FMNL2: variants seen among roughly 807,000 people sequenced by gnomAD.
FMNL2 encodes the protein formin-like protein 2.
A neutral mutation model predicts 130.2 loss-of-function variants in FMNL2; 51 were observed. The ratio of observed to expected loss-of-function variants is 0.39; its 90% CI spans 0.31 to 0.49. The LOEUF (loss-of-function observed/expected upper bound fraction) is 0.49. FMNL2 is among the 20% of genes least tolerant of loss of function. The probability of loss-of-function intolerance (pLI) is 0.85; values close to 1 mark genes in which losing one functional copy is unlikely to be tolerated. For synonymous variants in FMNL2, 465 were observed against 467.1 expected, an observed-to-expected ratio of 1.00 and a Z score of 0.06; for missense variants, 977 against 1,316.2, an observed-to-expected ratio of 0.74 and a Z score of 3.99.
intron 6 of FMNL2, among the ~76,000 whole-genome samples, chr2:152,566,648 G>A (rs1183632558): frequency 6.6e-6 from 1 of 152,104 alleles, no homozygotes; most frequent in Non-Finnish European, 1.5e-5. Context: ...GATACAGAAA[G>A]ATATATTAAA....
chr2:152,520,915 C>A (rs1013100480), intron 1 of FMNL2, among the ~76,000 whole-genome samples: 2 of 152,136 alleles, frequency 1.3e-5, no homozygotes, highest in Admixed American at 6.5e-5. Flanking sequence ...AAGTTCAAGA[C>A]CTTTGCATTT....
At chr2:152,456,348 G>A (rs1026956848) in intron 1 of FMNL2, among the ~76,000 whole-genome samples, 2 of 152,164 alleles carry the variant, frequency 1.3e-5, no homozygotes, top group South Asian at 4.1e-4. Flanking sequence ...TGAGTCAGAA[G>A]CAAGAAGAGT....
intron 2 of FMNL2, among the ~76,000 whole-genome samples, chr2:152,536,926 A>G (rs1694023184): frequency 6.6e-6 from 1 of 152,194 alleles, no homozygotes; most frequent in Admixed American, 6.6e-5. Context: ...ATTAACCCCA[A>G]TTAATTTCTC....
At chr2:152,426,193 G>A (rs993787718) in intron 1 of FMNL2, among the ~76,000 whole-genome samples, 4 of 152,216 alleles carry the variant, frequency 2.6e-5, no homozygotes, top group Non-Finnish European at 4.4e-5. Flanking sequence ...AATGGACCTT[G>A]AGCTGTGTGT....
intron 1 of FMNL2, among the ~76,000 whole-genome samples, chr2:152,450,649 C>T (rs979134372): frequency 1.3e-5 from 2 of 152,204 alleles, no homozygotes; most frequent in Admixed American, 6.5e-5. Flanking sequence ...GGGCCAGGAG[C>T]AGAGCCATCC....
chr2:152,483,859 A>G (rs536899964), intron 1 of FMNL2, among the ~76,000 whole-genome samples: 2 of 152,214 alleles, frequency 1.3e-5, no homozygotes, highest in African/African-American at 4.8e-5. Context: ...AGAAATGCAC[A>G]CACAGTTTCC....
At chr2:152,583,787 A>G (rs921823318) in intron 9 of FMNL2, among the ~76,000 whole-genome samples, 1 of 152,142 alleles carries the variant, frequency 6.6e-6, no homozygotes, top group Non-Finnish European at 1.5e-5. Flanking sequence ...TTCTGCAGCT[A>G]TTTCAGCAGT....
chr2:152,438,816 G>A (rs1054312088), intron 1 of FMNL2, among the ~76,000 whole-genome samples: 1 of 152,036 alleles, frequency 6.6e-6, no homozygotes, highest in Non-Finnish European at 1.5e-5. Flanking sequence ...CACTTGTAAA[G>A]CTCTAGGGGC....
intron 1 of FMNL2, among the ~76,000 whole-genome samples, chr2:152,415,057 G>A (rs901193431): frequency 1.3e-5 from 2 of 152,142 alleles, no homozygotes; most frequent in African/African-American, 2.4e-5. Context: ...CACAGATTCA[G>A]CTGTGCTGTG....
intron 1 of FMNL2, among the ~76,000 whole-genome samples, chr2:152,358,636 C>CAA (rs33921980): frequency 0.091 from 12,548 of 137,748 alleles, 602 homozygotes; most frequent in African/African-American, 0.13. Context: ...GACTGCATCT[C>CAA]AAAAAAAAAA....
chr2:152,502,960 G>A (rs1292708166), intron 1 of FMNL2, among the ~76,000 whole-genome samples: 5 of 152,158 alleles, frequency 3.3e-5, no homozygotes, highest in African/African-American at 9.7e-5. Context: ...CCTGGGCAGT[G>A]TTGAGGGTAG....
chr2:152,636,420 G>A lies in FMNL2; in HGVS notation c.2681-7G>A. ...AGTTTCACTGGGATGTTCTTTCTCT[G>A]CTTTAGTCTCCCTTGAGAATGTTTT... On this transcript the variant is annotated splice_region_variant and splice_polypyrimidine_tract_variant and intron_variant, in intron 21 of 25. Transcript: ENST00000288670. 6.2e-7 allele frequency: 1 copy of A among 1,608,366 alleles called. No homozygotes were observed. The highest frequency in any genetic ancestry group is 8.5e-7 in the Non-Finnish European group (1 of 1,177,034).
rs115242270 is a variant in FMNL2, at chr2:152,370,159, A to C, written c.117+34439A>C. 7.5e-3 allele frequency among the ~76,000 whole-genome samples: 1,138 copies of C among 151,294 alleles called. 16 individuals carry two copies. Among genetic ancestry groups the C allele is most frequent in the African/African-American group, 0.025 (1,034 of 41,204 alleles). ...TTAGTGTAGATGAAGTGGCTTGAAC[A>C]ACAAACTTTGATTTCTCACGGTTCT... On this transcript the variant is annotated intron_variant, in intron 1 of 25. Transcript: ENST00000288670.
chr2:152,372,832 GCT>G (rs1683960048), intron 1 of FMNL2, among the ~76,000 whole-genome samples: 1 of 152,298 alleles, frequency 6.6e-6, no homozygotes, highest in South Asian at 2.1e-4. Context: ...GGCTACTTTA[GCT>G]CTCTGTTTTG....
At position 152,424,018 on chromosome 2, in the gene FMNL2, G is replaced by A. The variant is rs559522867; in HGVS notation, c.117+88298G>A. Among the ~76,000 whole-genome samples the A allele has an allele frequency of 5.9e-4, 90 of 152,270 alleles. 1 individual carries two copies. The highest frequency in any genetic ancestry group is 6.8e-3 in the Middle Eastern group (2 of 294). On this transcript the variant is annotated intron_variant, in intron 1 of 25. Coordinates refer to ENST00000288670, the MANE Select transcript of FMNL2 (RefSeq NM_052905.4). The stretch of plus-strand genomic sequence containing the variant: ...GGGGAAGGCCTTTTGATCTCCTAGT[G>A]TGCTAGGATTCTGGGGAGGGAAGCT...
At chr2:152,377,847 A>T (rs146925094) in intron 1 of FMNL2, among the ~76,000 whole-genome samples, 170 of 152,310 alleles carry the variant, frequency 1.1e-3, no homozygotes, top group African/African-American at 4.0e-3. Flanking sequence ...AAGATAAAAG[A>T]TGGGCTGGGT....
Position 152,581,180 on chromosome 2 carries a change from G to T in FMNL2, c.876+131G>T, listed in dbSNP as rs2105725685. ...AATAGTTAATTTCTAAGATCTCACTGAGAGGAATGTAATGAACTTAGTCTA... is the reference window on the plus strand; with the variant it reads ...AATAGTTAATTTCTAAGATCTCACTTAGAGGAATGTAATGAACTTAGTCTA... On this transcript the variant is annotated intron_variant, in intron 9 of 25. Coordinates refer to ENST00000288670, the MANE Select transcript of FMNL2 (RefSeq NM_052905.4). 6 of 696,562 alleles carry T rather than the reference G, an allele frequency of 8.6e-6. No individual in the cohort carries two copies. In the South Asian group the frequency reaches 1.6e-4, roughly 18 times the overall value. The allele number at this position is 696,562 out of a possible 1,614,324, so 43.1% of individuals were successfully genotyped here. A position where few individuals can be genotyped will look rare whatever the true frequency, so the allele number is the denominator to read the frequency against.
chr2:152,566,828 A>T (rs1695867635), intron 6 of FMNL2, among the ~76,000 whole-genome samples: 1 of 152,188 alleles, frequency 6.6e-6, no homozygotes, highest in South Asian at 2.1e-4. Context: ...CTAGGGAGTG[A>T]TTCACGAGAC....
In FMNL2 at chr2:152,622,985, AGT is replaced by A. The variant is rs1161486396; in HGVS notation, c.1838-2448_1838-2447del. Among the ~76,000 whole-genome samples the A allele has an allele frequency of 2.0e-5, 3 of 151,952 alleles. No homozygotes were observed. In the East Asian group the frequency reaches 5.8e-4, roughly 30 times the overall value. ...CCTTTAGCCCGAGCCATGGGGACAC[AGT>A]GTGTCCAGTGGTCACCTATGTGCTT... On this transcript the variant is annotated intron_variant, in intron 15 of 25. Transcript: ENST00000288670.
Sources: gnomAD v4.1 joint callset for allele counts (sites outside exome capture counted in the v4.1 genomes callset) on GRCh38, gnomAD v4.1.1 for gene constraint, MANE v1.5 for transcripts, NCBI Gene and HGNC (gene_info 2026-07-23, HGNC 2026-07-21) for gene names.